OXTR: variants seen among roughly 807,000 people sequenced by gnomAD.
The protein encoded by OXTR is oxytocin receptor.
In OXTR, 19 loss-of-function variants were observed where a neutral mutation model predicts 23.9. The observed-to-expected ratio is 0.80, with a 90% CI of 0.56 to 1.17. The LOEUF (loss-of-function observed/expected upper bound fraction) is 1.17. Ranked by LOEUF, OXTR falls within the 50% of genes most tolerant of loss-of-function variation. The pLI, the probability that OXTR is intolerant of heterozygous loss-of-function variation, is 0.00. For missense variants in OXTR, 500 were observed against 550.7 expected (o/e 0.91, Z 0.92); for synonymous variants, 278 against 250.5 (o/e 1.11, Z -1.04).
chr3:8,745,777 ACT>A, downstream of OXTR: 1 of 1,613,608 alleles, frequency 6.2e-7, no homozygotes, highest in Non-Finnish European at 8.5e-7. The surrounding 1 kb of genome is among the most constrained non-coding windows in gnomAD (Gnocchi z 4.8). Flanking sequence ...ACATCTACTC[ACT>A]CTGCATCCGC....
intron 3 of OXTR, among the ~76,000 whole-genome samples, chr3:8,755,584 G>A (rs1202314274): frequency 6.6e-6 from 1 of 152,206 alleles, no homozygotes; most frequent in Admixed American, 6.5e-5. Flanking sequence ...CCTCCAAGAG[G>A]CTGGTCTGGG....
the OXTR span, chr3:8,742,736 G>GTGGA: frequency 1.3e-5 from 4 of 300,388 alleles, no homozygotes; most frequent in Non-Finnish European, 2.7e-5. Flanking sequence ...GTGTGGGTGG[G>GTGGA]TGGATGGATG....
At chr3:8,762,987 A>G in intron 3 of OXTR, among the ~76,000 whole-genome samples, 1 of 152,136 alleles carries the variant, frequency 6.6e-6, no homozygotes, top group Admixed American at 6.5e-5. Context: ...TGAGCTATCA[A>G]TGACTGTGCA....
Position 8,768,964 on chromosome 3 carries a change from T to A in OXTR, c.-239+267A>T, listed in dbSNP as rs1053761875. On this transcript the variant is annotated intron_variant, in intron 1 of 3. Transcript: ENST00000316793. The surrounding 1 kb of genome is among the most constrained non-coding windows in gnomAD (Gnocchi z 5.4). ...CTCAAAGCCCAAGATGCCCAAGCGCTGTTCCCAGACCCTGGCATAGACACC... is the reference window on the plus strand; with the variant it reads ...CTCAAAGCCCAAGATGCCCAAGCGCAGTTCCCAGACCCTGGCATAGACACC... 6.6e-6 allele frequency among the ~76,000 whole-genome samples: 1 copy of A among 152,038 alleles called. No homozygotes were observed. The highest frequency in any genetic ancestry group is 2.4e-5 in the African/African-American group (1 of 41,352).
At chr3:8,749,816 A>T (rs555305868), downstream of OXTR, among the ~76,000 whole-genome samples, 8 of 152,296 alleles carry the variant, frequency 5.3e-5, no homozygotes, top group South Asian at 1.7e-3. Context: ...ATGCTAGCTC[A>T]TTCTATTGTG....
chr3:8,746,266 T>C (rs927770975), downstream of OXTR: 1 of 180,336 alleles, frequency 5.5e-6, no homozygotes, highest in African/African-American at 2.3e-5. Context: ...CAGTAAAGGG[T>C]TTTGGCTGCA....
At chr3:8,749,838 G>C (rs893838716), downstream of OXTR, among the ~76,000 whole-genome samples, 1 of 152,182 alleles carries the variant, frequency 6.6e-6, no homozygotes, top group Non-Finnish European at 1.5e-5. Context: ...GTGTATGCGC[G>C]TGTGTGTGGC....
intron 3 of OXTR, among the ~76,000 whole-genome samples, chr3:8,761,048 C>T (rs960537691): frequency 5.3e-5 from 8 of 152,170 alleles, no homozygotes; most frequent in Non-Finnish European, 1.2e-4. Context: ...ACGTGGAGGA[C>T]GGGAATGCTG....
rs372617558 is a variant in OXTR at position 8,768,230 on chromosome 3, C to A, written c.-43G>T. The A allele has an allele frequency of 5.5e-6, 7 of 1,268,344 alleles. No homozygotes were observed. The highest frequency in any genetic ancestry group is 6.4e-5 in the East Asian group (2 of 31,032). The allele number at this position is 1,268,344 out of a possible 1,614,324, so 78.6% of individuals were successfully genotyped here. A position where few individuals can be genotyped will look rare whatever the true frequency, so the allele number is the denominator to read the frequency against. Reference sequence around the variant, plus strand: ...TGCGCCCCGGCCTTCGAGCCCTTTACGGCTTGGCGCGGCTGGGCCGGATCC... The same window carrying A: ...TGCGCCCCGGCCTTCGAGCCCTTTAAGGCTTGGCGCGGCTGGGCCGGATCC... On this transcript the variant is annotated 5_prime_UTR_variant, in exon 3 of 4. Coordinates refer to ENST00000316793, the MANE Select transcript of OXTR (RefSeq NM_000916.4). This position sits in a 1 kb window ranked among gnomAD's most constrained non-coding sequence, Gnocchi z 5.4.
rs1169182654 is a variant in OXTR at position 8,767,268 on chromosome 3, T to A, written c.920A>T (p.Glu307Val). 1.3e-6 allele frequency: 2 copies of A among 1,539,250 alleles called. No homozygotes were observed. The highest frequency in any genetic ancestry group is 1.7e-6 in the Non-Finnish European group (2 of 1,144,236). Residue 307 changes from glutamate to valine, a missense_variant and splice_region_variant, in exon 3 of 4, where the codon GAA becomes GTA. Glu to Val is a moderately radical substitution (Grantham distance 121). Coordinates refer to ENST00000316793, the MANE Select transcript of OXTR (RefSeq NM_000916.4). ...WSVWDANAPK[E>V]ASAFIIVMLL... ...CTGGGTCTCCCAGCCCTGGCTACCT[T>A]CCTTGGGCGCGTTGGCATCCCAGAC...
At chr3:8,747,505 G>T (rs562925903), downstream of OXTR, among the ~76,000 whole-genome samples, 1 of 152,052 alleles carries the variant, frequency 6.6e-6, no homozygotes, top group Non-Finnish European at 1.5e-5. Context: ...GTTTAAATAC[G>T]TTGTAGAGAT....
At chr3:8,745,418 A>G (rs1708121348), downstream of OXTR, 1 of 818,476 alleles carries the variant, frequency 1.2e-6, no homozygotes, top group South Asian at 1.4e-5. The surrounding 1 kb of genome is among the most constrained non-coding windows in gnomAD (Gnocchi z 4.8). Context: ...TCCAGCCACC[A>G]AGGTTAACCT....
At chr3:8,761,040 G>A (rs1035889465) in intron 3 of OXTR, among the ~76,000 whole-genome samples, 7 of 152,202 alleles carry the variant, frequency 4.6e-5, no homozygotes, top group Admixed American at 2.0e-4. Flanking sequence ...CACGTAGCAC[G>A]TGGAGGACGG....
chr3:8,754,127 A>G (rs988616572), intron 3 of OXTR, among the ~76,000 whole-genome samples: 3 of 152,210 alleles, frequency 2.0e-5, no homozygotes, highest in African/African-American at 7.2e-5. Context: ...GGAAAAAGAA[A>G]GTGACATGGA....
chr3:8,750,504 A>G lies in OXTR; in HGVS notation c.*2473T>C, dbSNP rs199597865. The G allele has an allele frequency of 6.6e-6, 1 of 152,228 alleles. No homozygotes were observed. Among genetic ancestry groups the G allele is most frequent in the Non-Finnish European group, 1.5e-5 (1 of 68,032 alleles). 9.4% of individuals were successfully genotyped at this position (152,228 alleles called of 1,614,324 possible). On this transcript the variant is annotated 3_prime_UTR_variant, in exon 4 of 4. Transcript: ENST00000316793. ...ATTTCAGAACATTTTCATCACCCGAAAAAGAAACCCCAAACCCTTAGTAGT... is the reference window on the plus strand; with the variant it reads ...ATTTCAGAACATTTTCATCACCCGAGAAAGAAACCCCAAACCCTTAGTAGT...
At chr3:8,741,402 A>C in the OXTR span, among the ~76,000 whole-genome samples, 1 of 152,184 alleles carries the variant, frequency 6.6e-6, no homozygotes, top group African/African-American at 2.4e-5. Flanking sequence ...ACTGATTGTG[A>C]ACTGCCTTTT....
In OXTR at chr3:8,768,358, G is replaced by A. The variant is rs199856621; in HGVS notation, c.-142-29C>T. On this transcript the variant is annotated intron_variant, in intron 2 of 3. Transcript: ENST00000316793. The surrounding 1 kb of genome is among the most constrained non-coding windows in gnomAD (Gnocchi z 5.4). ...AAACAAACCGGGAGGGCCGTGAGGA[G>A]ACCGCCGCGTTTCTCTTCCGACGCG... The A allele has an allele frequency of 4.3e-5, 47 of 1,089,754 alleles. No homozygotes were observed. In the African/African-American group the frequency reaches 7.5e-4, roughly 17 times the overall value. 67.5% of individuals were successfully genotyped at this position (1,089,754 alleles called of 1,614,324 possible). A position where few individuals can be genotyped will look rare whatever the true frequency, so the allele number is the denominator to read the frequency against.
chr3:8,767,439 C>A lies in OXTR; in HGVS notation c.749G>T (p.Gly250Val). 6.2e-7 allele frequency: 1 copy of A among 1,603,906 alleles called. No homozygotes were observed. The highest frequency in any genetic ancestry group is 8.5e-7 in the Non-Finnish European group (1 of 1,175,542). Reference sequence around the variant, plus strand: ...CGCCAGGGCCACGCGCCCCCCATCGCCAGCCGCCGCGCCCTCTGGCGCCTC... The same window carrying A: ...CGCCAGGGCCACGCGCCCCCCATCGACAGCCGCCGCGCCCTCTGGCGCCTC... ...AAEAPEGAAA[G>V]DGGRVALARV... Residue 250 changes from glycine to valine, a missense_variant, in exon 3 of 4, where the codon GGC becomes GTC. Transcript: ENST00000316793.
chr3:8,753,306 T>A, intron 3 of OXTR, 82 bp from the exon 4 acceptor site: 1 of 1,485,866 alleles, frequency 6.7e-7, no homozygotes. Context: ...GACTTAAACA[T>A]CATTTCCTGA....
Sources: allele counts gnomAD v4.1 joint callset (sites outside exome capture counted in the v4.1 genomes callset), GRCh38; gene constraint gnomAD v4.1.1; non-coding constraint Gnocchi (gnomAD v3.1); transcripts MANE v1.5; gene names NCBI Gene and HGNC (gene_info 2026-07-23, HGNC 2026-07-21).